ADD3: variants seen among roughly 807,000 people sequenced by gnomAD.
ADD3 encodes the protein adducin 3.
In ADD3, 25 loss-of-function variants were observed where a neutral mutation model predicts 80.2. The observed-to-expected ratio is 0.31, with a 90% CI of 0.23 to 0.44. The LOEUF is 0.44. Ranked by LOEUF, ADD3 falls within the 20% of genes least tolerant of loss-of-function variation. ADD3 has a pLI of 1.00. For synonymous variants in ADD3, 284 were observed against 289.6 expected (o/e 0.98, Z 0.20); for missense variants, 829 against 847.5 (o/e 0.98, Z 0.27).
chr10:110,087,194 A>G (rs908126327), intron 1 of ADD3, among the ~76,000 whole-genome samples: 1 of 151,902 alleles, frequency 6.6e-6, no homozygotes, highest in Non-Finnish European at 1.5e-5. Flanking sequence ...ACGCCCAGCT[A>G]ATTTTTGTAT....
chr10:110,063,141 G>T (rs201734882), intron 1 of ADD3, among the ~76,000 whole-genome samples: 2 of 152,102 alleles, frequency 1.3e-5, no homozygotes, highest in African/African-American at 4.8e-5. Flanking sequence ...TAAGTGTTTT[G>T]TGAATGTGTT....
intron 1 of ADD3, among the ~76,000 whole-genome samples, chr10:110,091,540 C>T (rs1847514581): frequency 6.6e-6 from 1 of 152,122 alleles, no homozygotes; most frequent in South Asian, 2.1e-4. Flanking sequence ...GGAAAGGATT[C>T]CCTATTCAAT....
At chr10:110,077,005 A>G (rs560139834) in intron 1 of ADD3, 1 of 152,334 alleles carries the variant, frequency 6.6e-6, no homozygotes, top group East Asian at 1.9e-4. Flanking sequence ...TGCTCTAACC[A>G]CATTGAGTGT....
chr10:110,040,776 C>T (rs759725415), intron 1 of ADD3, among the ~76,000 whole-genome samples: 15 of 151,714 alleles, frequency 9.9e-5, no homozygotes, highest in Non-Finnish European at 1.8e-4. Context: ...TCAGTGGACT[C>T]GGATAGAGAG....
At chr10:110,088,338 G>C (rs1847066251) in intron 1 of ADD3, among the ~76,000 whole-genome samples, 1 of 152,174 alleles carries the variant, frequency 6.6e-6, no homozygotes, top group Non-Finnish European at 1.5e-5. Flanking sequence ...TTGAGAAACA[G>C]ATTTCTGAAA....
intron 1 of ADD3, among the ~76,000 whole-genome samples, chr10:110,081,715 T>C (rs1045207764): frequency 2.0e-5 from 3 of 152,232 alleles, no homozygotes; most frequent in East Asian, 3.8e-4. Context: ...TCACCTATTA[T>C]GATTTTTTAA....
chr10:110,077,920 T>C (rs1471506623), intron 1 of ADD3, among the ~76,000 whole-genome samples: 2 of 152,212 alleles, frequency 1.3e-5, no homozygotes, highest in Admixed American at 6.5e-5. Context: ...CTTTGTGTTA[T>C]CTATACTCTC....
intron 2 of ADD3, among the ~76,000 whole-genome samples, chr10:110,107,645 C>G (rs368146682): frequency 1.4e-4 from 22 of 152,072 alleles, no homozygotes; most frequent in African/African-American, 5.3e-4. Flanking sequence ...ACTTTGCCTA[C>G]CACTTACTAG....
chr10:110,019,528 G>C (rs1364031146), intron 1 of ADD3, among the ~76,000 whole-genome samples: 1 of 151,964 alleles, frequency 6.6e-6, no homozygotes, highest in Admixed American at 6.6e-5. Flanking sequence ...CTAATTTTTT[G>C]TATTTTTAGT....
intron 1 of ADD3, chr10:110,079,135 G>A (rs1454512600): frequency 2.6e-5 from 4 of 152,002 alleles, no homozygotes; most frequent in African/African-American, 7.3e-5. Flanking sequence ...GACATGAAAA[G>A]CATTGAGAAG....
At chr10:110,014,730 T>G (rs1852733564) in intron 1 of ADD3, among the ~76,000 whole-genome samples, 1 of 151,854 alleles carries the variant, frequency 6.6e-6, no homozygotes, top group Non-Finnish European at 1.5e-5. Flanking sequence ...TTTCTCCATG[T>G]TGGTCAGGCT....
chr10:110,040,148 T>A (rs531372079), intron 1 of ADD3, among the ~76,000 whole-genome samples: 1 of 152,330 alleles, frequency 6.6e-6, no homozygotes, highest in South Asian at 2.1e-4. Context: ...CAAATACTCA[T>A]GCTGTTAGGT....
chr10:110,102,387 T>C (rs1220488836), intron 2 of ADD3, among the ~76,000 whole-genome samples: 5 of 152,124 alleles, frequency 3.3e-5, no homozygotes, highest in Non-Finnish European at 1.5e-5. Context: ...GGCAAGAGGA[T>C]TGCTTGAGCC....
At chr10:110,022,967 G>A (rs1853855333) in intron 1 of ADD3, among the ~76,000 whole-genome samples, 1 of 152,196 alleles carries the variant, frequency 6.6e-6, no homozygotes, top group Admixed American at 6.6e-5. Flanking sequence ...AGATCATGCA[G>A]GCCCTGGGTG....
intron 13 of ADD3, 49 bp downstream of exon 13, chr10:110,130,535 T>TA (rs1243444175): frequency 6.3e-7 from 1 of 1,591,992 alleles, no homozygotes; most frequent in Non-Finnish European, 8.6e-7. Flanking sequence ...CTGATAACAA[T>TA]AAAGTACCTC....
chr10:110,065,557 T>TTTTTTTTTTTTTTTTTTTTTAAAA (rs1843842023), intron 1 of ADD3, among the ~76,000 whole-genome samples: 1 of 133,886 alleles, frequency 7.5e-6, no homozygotes, highest in African/African-American at 2.6e-5. Flanking sequence ...TTTTTTTTTT[T>TTTTTTTTTTTTTTTTTTTTTAAAA]GAGAAAGAAT....
chr10:110,083,281 G>A (rs779629974), intron 1 of ADD3, among the ~76,000 whole-genome samples: 2 of 152,162 alleles, frequency 1.3e-5, no homozygotes, highest in Non-Finnish European at 2.9e-5. Flanking sequence ...ATGGAGATGA[G>A]AGGGGAAAAC....
intron 1 of ADD3, among the ~76,000 whole-genome samples, chr10:110,061,233 G>C (rs1383130232): frequency 1.3e-5 from 2 of 152,248 alleles, no homozygotes; most frequent in Non-Finnish European, 2.9e-5. Flanking sequence ...GACAGCCAAA[G>C]TAGATACAGG....
intron 1 of ADD3, among the ~76,000 whole-genome samples, chr10:110,046,420 ATTT>A (rs61566100): frequency 1.4e-5 from 2 of 142,822 alleles, no homozygotes. Flanking sequence ...TTATACGTGG[ATTT>A]TTTTTTTTTT....
Sources: gnomAD v4.1 joint callset for allele counts (sites outside exome capture counted in the v4.1 genomes callset) on GRCh38, gnomAD v4.1.1 for gene constraint, MANE v1.5 for transcripts, NCBI Gene and HGNC (gene_info 2026-07-23, HGNC 2026-07-21) for gene names.